The following SOD2 variants were observed in gnomAD, a reference collection of about 807,000 sequenced individuals.
SOD2 encodes the protein superoxide dismutase [Mn], mitochondrial.
Under a neutral mutation model 27.0 loss-of-function variants are expected in SOD2, and 11 were observed. That is an observed-to-expected ratio of 0.41 (90% CI 0.26 to 0.67). The LOEUF is 0.67. SOD2 is among the 30% of genes least tolerant of loss of function. The pLI is 0.34. For synonymous variants in SOD2, 105 were observed against 103.0 expected (o/e 1.02, Z -0.12); for missense variants, 250 against 274.5 (o/e 0.91, Z 0.63).
chr6:159,723,165 A>C (rs1255743082), intron 1 of SOD2, among the ~76,000 whole-genome samples: 1 of 152,234 alleles, frequency 6.6e-6, no homozygotes, highest in East Asian at 1.9e-4. Context: ...TGCTACAGCA[A>C]GTTCTCAATC....
At chr6:159,722,650 A>C (rs1050200501) in intron 1 of SOD2, among the ~76,000 whole-genome samples, 1 of 152,266 alleles carries the variant, frequency 6.6e-6, no homozygotes, top group South Asian at 2.1e-4. Context: ...CCATGTCTCT[A>C]AAATTTATTT....
intron 1 of SOD2, among the ~76,000 whole-genome samples, chr6:159,740,784 A>G (rs1018037716): frequency 1.3e-5 from 2 of 151,156 alleles, no homozygotes; most frequent in Non-Finnish European, 2.9e-5. Flanking sequence ...GCTCACTGCA[A>G]CCGCCGCCTC....
chr6:159,671,379 C>T lies in SOD2; in HGVS notation c.*11114G>A, dbSNP rs557332626. 6.6e-5 allele frequency: 10 copies of T among 152,506 alleles called. No homozygotes were observed. Among genetic ancestry groups the T allele is most frequent in the African/African-American group, 1.9e-4 (8 of 41,574 alleles). The allele number at this position is 152,506 out of a possible 1,614,324, so 9.4% of individuals were successfully genotyped here. ...GACTGACACCCCACATGGCCGGGTA[C>T]CCCTCTGAGATGAAGCTTCCAGAGG... On this transcript the variant is annotated 3_prime_UTR_variant, in exon 5 of 5. Transcript: ENST00000538183.
intron 1 of SOD2, among the ~76,000 whole-genome samples, chr6:159,758,243 T>C (rs1443255536): frequency 1.4e-5 from 2 of 143,970 alleles, no homozygotes; most frequent in Non-Finnish European, 3.0e-5. Context: ...CTGTCTTAGC[T>C]TGGGCTGCTG....
At chr6:159,727,324 C>A (rs1778232237) in exon 1 of SOD2, 1 of 1,265,810 alleles carries the variant, frequency 7.9e-7, no homozygotes, top group Non-Finnish European at 1.0e-6. Flanking sequence ...GCCTGAAAGG[C>A]GACTCTCCTG....
At chr6:159,713,115 C>T in intron 1 of SOD2, 2 of 905,230 alleles carry the variant, frequency 2.2e-6, no homozygotes, top group Non-Finnish European at 3.3e-6. Context: ...TAAGGTAAAC[C>T]CCTCGTGTGT....
At chr6:159,738,415 T>C (rs1285311628) in intron 1 of SOD2, among the ~76,000 whole-genome samples, 1 of 152,236 alleles carries the variant, frequency 6.6e-6, no homozygotes, top group Non-Finnish European at 1.5e-5. Context: ...CATGTATCAG[T>C]AGTCCTGTTT....
At chr6:159,737,074 G>T (rs554824424) in intron 1 of SOD2, among the ~76,000 whole-genome samples, 6 of 152,266 alleles carry the variant, frequency 3.9e-5, no homozygotes, top group African/African-American at 1.2e-4. Context: ...TTGGAACAGG[G>T]TCTTGCTCTC....
chr6:159,696,172 A>C (rs938345642), upstream of SOD2, among the ~76,000 whole-genome samples: 1 of 152,160 alleles, frequency 6.6e-6, no homozygotes, highest in African/African-American at 2.4e-5. Flanking sequence ...GTTGGGATGA[A>C]ATTCCATTGA....
chr6:159,687,813 C>A (rs745404394), intron 3 of SOD2, among the ~76,000 whole-genome samples: 50 of 152,036 alleles, frequency 3.3e-4, no homozygotes, highest in Non-Finnish European at 6.6e-4. Flanking sequence ...TCAAGACCAG[C>A]CTGGCCAACA....
At position 159,673,780 on chromosome 6, in the gene SOD2, A is replaced by G. The variant is rs1012732279; in HGVS notation, c.*8713T>C. Reference sequence around the variant, plus strand: ...AACTGAAGGAGACAGAGACACAAAAAAACCTTCAAAAAATGAATGAATCCA... The same window carrying G: ...AACTGAAGGAGACAGAGACACAAAAGAACCTTCAAAAAATGAATGAATCCA... On this transcript the variant is annotated 3_prime_UTR_variant, in exon 5 of 5. Coordinates refer to ENST00000538183, the MANE Select transcript of SOD2 (RefSeq NM_000636.4). The G allele has an allele frequency of 7.9e-5, 12 of 152,228 alleles. No homozygotes were observed. The highest frequency in any genetic ancestry group is 1.3e-4 in the Non-Finnish European group (9 of 68,046). 9.4% of individuals were successfully genotyped at this position (152,228 alleles called of 1,614,324 possible).
chr6:159,734,744 A>T (rs1778801057), intron 1 of SOD2, among the ~76,000 whole-genome samples: 1 of 152,258 alleles, frequency 6.6e-6, no homozygotes, highest in Non-Finnish European at 1.5e-5. Context: ...ATGCTTTTTC[A>T]AAAGAGCACT....
intron 3 of SOD2, among the ~76,000 whole-genome samples, chr6:159,687,573 T>C (rs1297780687): frequency 6.6e-6 from 1 of 152,186 alleles, no homozygotes; most frequent in Non-Finnish European, 1.5e-5. Flanking sequence ...GATGTGATAT[T>C]CTATGTTGGC....
At chr6:159,729,505 G>T (rs1778434841), upstream of SOD2, among the ~76,000 whole-genome samples, 1 of 152,142 alleles carries the variant, frequency 6.6e-6, no homozygotes, top group Non-Finnish European at 1.5e-5. Flanking sequence ...GTAGTTAATA[G>T]AATTTAATCT....
chr6:159,691,175 T>C (rs1777174940), intron 2 of SOD2: 1 of 152,214 alleles, frequency 6.6e-6, no homozygotes, highest in African/African-American at 2.4e-5. Flanking sequence ...ATTAAGTTGT[T>C]TTTAAAATAC....
intron 1 of SOD2, among the ~76,000 whole-genome samples, chr6:159,704,487 C>A (rs150995417): frequency 5.9e-5 from 9 of 152,368 alleles, no homozygotes; most frequent in Admixed American, 1.3e-4. Flanking sequence ...TATCCTGTGC[C>A]TGGCTCAGAG....
At chr6:159,738,007 C>T (rs1040853134) in intron 1 of SOD2, among the ~76,000 whole-genome samples, 9 of 152,174 alleles carry the variant, frequency 5.9e-5, no homozygotes, top group African/African-American at 1.2e-4. Flanking sequence ...TAACACCTTG[C>T]GTGACTAGCA....
rs910662893 is a variant in SOD2 at position 159,713,216 on chromosome 6, C to G, written c.-116+13913G>C. 6.8e-6 allele frequency: 6 copies of G among 877,672 alleles called. No individual in the cohort carries two copies. In the African/African-American group the frequency reaches 1.0e-4, roughly 15 times the overall value. 54.4% of individuals were successfully genotyped at this position (877,672 alleles called of 1,614,324 possible). On this transcript the variant is annotated intron_variant, in intron 1 of 2. Coordinates refer to the SOD2 transcript ENST00000401980. ...TGAAAAACAGTAATTGCGGTCTTTTCCAAATCTATCAGACCTAAAGCCATA... is the reference window on the plus strand; with the variant it reads ...TGAAAAACAGTAATTGCGGTCTTTTGCAAATCTATCAGACCTAAAGCCATA...
chr6:159,697,077 A>ACACACC (rs974599812), upstream of SOD2, among the ~76,000 whole-genome samples: 5 of 149,528 alleles, frequency 3.3e-5, no homozygotes, highest in African/African-American at 1.3e-4. Context: ...ACACACACAC[A>ACACACC]CACGCAGTCA....
Sources: gnomAD v4.1 joint callset for allele counts (sites outside exome capture counted in the v4.1 genomes callset) on GRCh38, gnomAD v4.1.1 for gene constraint, MANE v1.5 for transcripts, NCBI Gene and HGNC (gene_info 2026-07-23, HGNC 2026-07-21) for gene names.